SLC35F2: variants seen among roughly 807,000 people sequenced by gnomAD.
The protein encoded by SLC35F2 is solute carrier family 35 member F2.
SLC35F2 carries 25 observed loss-of-function variants against 38.1 expected under a neutral mutation model. The ratio of observed to expected loss-of-function variants is 0.66; its 90% CI spans 0.48 to 0.92. The LOEUF (loss-of-function observed/expected upper bound fraction) is 0.92, where lower values mean the gene tolerates loss of function less well. Among genes scored for constraint, SLC35F2 ranks in the 40% least tolerant of loss-of-function variants. SLC35F2 has a pLI of 0.00. For missense variants in SLC35F2, 409 were observed against 452.9 expected (o/e 0.90, Z 0.88); for synonymous variants, 173 against 181.7 (o/e 0.95, Z 0.38).
intron 1 of SLC35F2, chr11:107,821,377 C>CAG: frequency 1.0e-6 from 1 of 977,990 alleles, no homozygotes; most frequent in South Asian, 4.7e-5. Flanking sequence ...TTTAAAGTTA[C>CAG]AGGAATGCAC....
intron 3 of SLC35F2, among the ~76,000 whole-genome samples, chr11:107,808,960 T>C (rs1460414391): frequency 6.6e-6 from 1 of 152,196 alleles, no homozygotes; most frequent in Non-Finnish European, 1.5e-5. Context: ...TAACAACTTT[T>C]GTTGGGCAAT....
At position 107,814,800 on chromosome 11, in the gene SLC35F2, A is replaced by C. The variant is rs574104159; in HGVS notation, c.286+990T>G. On this transcript the variant is annotated intron_variant, in intron 2 of 7. Coordinates refer to ENST00000525815, the MANE Select transcript of SLC35F2 (RefSeq NM_017515.5). ...CAACGTGGTGAAACCCTGTCTCTAC[A>C]AAAAATACAAAAATTATCTGGGCAC... Among the ~76,000 whole-genome samples the C allele has an allele frequency of 7.2e-5, 11 of 152,282 alleles. No individual in the cohort carries two copies. The East Asian group carries it at 2.1e-3, about 29-fold the overall frequency.
At position 107,805,660 on chromosome 11, in the gene SLC35F2, G is replaced by A. The variant is rs1174067196; in HGVS notation, c.575-145C>T. ...TTACTAGAAGTTTATGTGTGAGAGT[G>A]TGTGTGTGTGTATGTGTGTGTGTGT... On this transcript the variant is annotated intron_variant, in intron 4 of 7. Transcript: ENST00000525815. The A allele has an allele frequency of 4.9e-6, 7 of 1,439,112 alleles. No homozygotes were observed. In the African/African-American group the frequency reaches 7.2e-5, roughly 15 times the overall value. 89.1% of individuals were successfully genotyped at this position (1,439,112 alleles called of 1,614,324 possible). A position where few individuals can be genotyped will look rare whatever the true frequency, so the allele number is the denominator to read the frequency against.
At chr11:107,821,003 T>G (rs1438873417) in intron 1 of SLC35F2, among the ~76,000 whole-genome samples, 1 of 152,104 alleles carries the variant, frequency 6.6e-6, no homozygotes, top group Non-Finnish European at 1.5e-5. Flanking sequence ...TACCTCGCCT[T>G]GCTGTCAGGA....
In SLC35F2 at chr11:107,806,706, C is replaced by T. The variant is rs1376880241; in HGVS notation, c.574+11G>A. The T allele has an allele frequency of 6.2e-7, 1 of 1,613,598 alleles. No homozygotes were observed. Reference sequence around the variant, plus strand: ...CTGTGATTGAAGCACAAACATGTGACACCGTCTCACCTGAATTGTCTTCCC... The same window carrying T: ...CTGTGATTGAAGCACAAACATGTGATACCGTCTCACCTGAATTGTCTTCCC... On this transcript the variant is annotated intron_variant, in intron 4 of 7. Transcript: ENST00000525815.
rs79876525 is a variant in SLC35F2, at chr11:107,805,170, G to C, written c.731+189C>G. 1.7e-4 allele frequency: 171 copies of C among 984,702 alleles called. No homozygotes were observed. The African/African-American group carries it at 2.5e-3, about 15-fold the overall frequency. The allele number at this position is 984,702 out of a possible 1,614,324, so 61.0% of individuals were successfully genotyped here. A position where few individuals can be genotyped will look rare whatever the true frequency, so the allele number is the denominator to read the frequency against. On this transcript the variant is annotated intron_variant, in intron 5 of 7. Coordinates refer to ENST00000525815, the MANE Select transcript of SLC35F2 (RefSeq NM_017515.5). Reference sequence around the variant, plus strand: ...TTTAAGAAAATAGGAAGTAATTCTTGATGTTTTAACAATCCTCTAGTAGAC... The same window carrying C: ...TTTAAGAAAATAGGAAGTAATTCTTCATGTTTTAACAATCCTCTAGTAGAC...
intron 2 of SLC35F2, among the ~76,000 whole-genome samples, 187 bp downstream of exon 2, chr11:107,815,603 A>C (rs1219454913): frequency 2.0e-5 from 3 of 151,716 alleles, no homozygotes; most frequent in Non-Finnish European, 2.9e-5. Flanking sequence ...CAAAAAAAAA[A>C]ACACTTTTTT....
rs1469703000 is a variant in SLC35F2 at position 107,846,185 on chromosome 11, A to T, written c.110+12473T>A. Among the ~76,000 whole-genome samples the T allele has an allele frequency of 2.0e-5, 3 of 151,378 alleles. No individual in the cohort carries two copies. In the East Asian group the frequency reaches 5.8e-4, roughly 29 times the overall value. On this transcript the variant is annotated intron_variant, in intron 1 of 7. Transcript: ENST00000525815. ...GTAGAAATCATAATTTAGAAAGAACACAGGGTTCCAGAGATATGATTGGTA... is the reference window on the plus strand; with the variant it reads ...GTAGAAATCATAATTTAGAAAGAACTCAGGGTTCCAGAGATATGATTGGTA...
intron 1 of SLC35F2, among the ~76,000 whole-genome samples, chr11:107,833,128 G>C (rs1213573797): frequency 6.6e-6 from 1 of 152,108 alleles, no homozygotes; most frequent in East Asian, 1.9e-4. Context: ...GTTTTTTATA[G>C]TGTCTCACAG....
At chr11:107,816,291 T>G (rs541904292) in intron 1 of SLC35F2, 6 of 973,112 alleles carry the variant, frequency 6.2e-6, no homozygotes, top group Non-Finnish European at 6.0e-6. Flanking sequence ...TGTATGACTT[T>G]TTTTTTTTGA....
intron 1 of SLC35F2, among the ~76,000 whole-genome samples, chr11:107,831,308 G>T (rs1448151147): frequency 1.3e-5 from 2 of 152,190 alleles, no homozygotes; most frequent in African/African-American, 2.4e-5. Context: ...CATTGGAATG[G>T]GACAGGGTGA....
intron 7 of SLC35F2, among the ~76,000 whole-genome samples, chr11:107,793,439 TG>T (rs1227815701): frequency 6.6e-6 from 1 of 152,172 alleles, no homozygotes; most frequent in African/African-American, 2.4e-5. Flanking sequence ...AAGGTCATCA[TG>T]GATACCACAG....
chr11:107,843,074 C>A (rs1025671755), intron 1 of SLC35F2, among the ~76,000 whole-genome samples: 1 of 152,122 alleles, frequency 6.6e-6, no homozygotes, highest in East Asian at 1.9e-4. Context: ...GATTATAGAG[C>A]ATGATATCCT....
intron 2 of SLC35F2, among the ~76,000 whole-genome samples, chr11:107,814,471 A>AAG (rs970735384): frequency 5.9e-5 from 9 of 151,908 alleles, no homozygotes; most frequent in African/African-American, 1.9e-4. Context: ...AAAAAAAAAA[A>AAG]AAGAAGAAGC....
At chr11:107,839,446 G>C (rs1203770812) in intron 1 of SLC35F2, among the ~76,000 whole-genome samples, 2 of 152,082 alleles carry the variant, frequency 1.3e-5, no homozygotes, top group African/African-American at 4.8e-5. Context: ...GAACAATGGG[G>C]CAAGACACCG....
rs575521472 is a variant in SLC35F2 at position 107,824,021 on chromosome 11, C to T, written c.111-8056G>A. 7 of 984,390 alleles carry T rather than the reference C, an allele frequency of 7.1e-6. No individual in the cohort carries two copies. The East Asian group carries it at 8.0e-4, about 112-fold the overall frequency. 61.0% of individuals were successfully genotyped at this position (984,390 alleles called of 1,614,324 possible). A position where few individuals can be genotyped will look rare whatever the true frequency, so the allele number is the denominator to read the frequency against. On this transcript the variant is annotated intron_variant, in intron 1 of 7. Transcript: ENST00000525815. ...CAGCCAAGATGAACTGTTTTCTTTC[C>T]ATCTCCATAGTCCTACGATTCAAAA...
At chr11:107,801,711 A>G (rs1859313475) in intron 7 of SLC35F2, among the ~76,000 whole-genome samples, 1 of 152,092 alleles carries the variant, frequency 6.6e-6, no homozygotes, top group Non-Finnish European at 1.5e-5. Flanking sequence ...GAAAAAAAAA[A>G]TCTATATACT....
chr11:107,804,689 T>G (rs1859366509), intron 6 of SLC35F2, 29 bp downstream of exon 6: 1 of 1,509,786 alleles, frequency 6.6e-7, no homozygotes, highest in African/African-American at 1.4e-5. Context: ...TAAAGAATGC[T>G]GACTAAAAGG....
At chr11:107,829,321 A>C (rs1859800458) in intron 1 of SLC35F2, among the ~76,000 whole-genome samples, 1 of 151,940 alleles carries the variant, frequency 6.6e-6, no homozygotes, top group Non-Finnish European at 1.5e-5. Flanking sequence ...TGGGAGGCTG[A>C]AGCAGGAGAA....
Sources: allele counts gnomAD v4.1 joint callset (sites outside exome capture counted in the v4.1 genomes callset), GRCh38; gene constraint gnomAD v4.1.1; transcripts MANE v1.5; gene names NCBI Gene and HGNC (gene_info 2026-07-23, HGNC 2026-07-21).